The following DDX11 variants were observed in gnomAD, a reference collection of about 807,000 sequenced individuals.
DDX11 encodes ATP-dependent DNA helicase DDX11.
DDX11 carries 72 observed loss-of-function variants against 125.2 expected under a neutral mutation model. That is an observed-to-expected ratio of 0.58 (90% CI 0.48 to 0.70). The LOEUF (loss-of-function observed/expected upper bound fraction) is 0.70, where lower values mean the gene tolerates loss of function less well. Ranked by LOEUF, DDX11 falls within the 30% of genes least tolerant of loss-of-function variation. The probability of loss-of-function intolerance (pLI) is 0.00; values close to 1 mark genes in which losing one functional copy is unlikely to be tolerated. For missense variants in DDX11, 883 were observed against 1,165.0 expected (o/e 0.76, Z 3.52); for synonymous variants, 347 against 452.6 (o/e 0.77, Z 2.96).
intron 8 of DDX11, 114 bp downstream of exon 8, chr12:31,089,604 C>G: frequency 8.5e-7 from 1 of 1,173,064 alleles, no homozygotes; most frequent in Non-Finnish European, 1.3e-6. Flanking sequence ...GAGGAGACCC[C>G]AGTTCCTTCC....
chr12:31,097,407 C>T (rs1312282371), intron 17 of DDX11, among the ~76,000 whole-genome samples: 3 of 147,942 alleles, frequency 2.0e-5, no homozygotes, highest in South Asian at 2.2e-4. Flanking sequence ...AGGCCGGGCG[C>T]GGTGGCTCAC....
intron 11 of DDX11, 143 bp downstream of exon 11, chr12:31,093,035 C>G: frequency 9.9e-7 from 1 of 1,008,608 alleles, no homozygotes; most frequent in Admixed American, 2.0e-5. Flanking sequence ...GTCCTAGGCA[C>G]ATCATGGTGT....
chr12:31,089,325 G>A, intron 7 of DDX11, 78 bp from the exon 8 acceptor site: 1 of 1,524,862 alleles, frequency 6.6e-7, no homozygotes, highest in Non-Finnish European at 9.1e-7. Context: ...AGAGGTGGCG[G>A]GGCAGGTCCA....
chr12:31,078,688 TC>T, intron 2 of DDX11, 151 bp downstream of exon 2: 24 of 1,161,896 alleles, frequency 2.1e-5, no homozygotes, highest in Non-Finnish European at 2.5e-5. Flanking sequence ...TCTATTAAAG[TC>T]TTTTTTTTTT....
chr12:31,086,745 C>T (rs1592654732), intron 5 of DDX11, among the ~76,000 whole-genome samples: 1 of 147,674 alleles, frequency 6.8e-6, no homozygotes, highest in African/African-American at 2.5e-5. Context: ...CATGCCCTCA[C>T]GTTTCAGGAG....
intron 18 of DDX11, among the ~76,000 whole-genome samples, chr12:31,099,171 T>A (rs1415436751): frequency 2.1e-5 from 3 of 144,826 alleles, no homozygotes; most frequent in African/African-American, 7.8e-5. Flanking sequence ...CTCTGCAACC[T>A]CTGCCTCCGG....
rs558812269 is a variant in DDX11, at chr12:31,104,081, C to T, written c.*245C>T. On this transcript the variant is annotated 3_prime_UTR_variant, in exon 27 of 27. Coordinates refer to ENST00000542838, the MANE Select transcript of DDX11 (RefSeq NM_030653.4). ...GGGGCGTTCCAGGGCAGCTCCCCTC[C>T]TGGAATAGAATCTTTCTTTCCATCC... is the stretch of plus-strand genomic sequence containing the variant. The T allele has an allele frequency of 4.6e-6, 7 of 1,524,078 alleles. 1 individual carries two copies. The East Asian group carries it at 7.4e-5, about 16-fold the overall frequency. The allele number at this position is 1,524,078 out of a possible 1,614,324, so 94.4% of individuals were successfully genotyped here.
Position 31,101,032 on chromosome 12 carries a change from G to T in DDX11, c.1954G>T (p.Val652Leu), listed in dbSNP as rs760250735. Residue 652 changes from valine (V) to leucine (L), a missense_variant, in exon 20 of 27, where the codon GTG (valine) becomes TTG (leucine). Coordinates refer to ENST00000542838, the MANE Select transcript of DDX11 (RefSeq NM_030653.4). Reference protein sequence around the residue: ...ERVVEFSCGHVIPPDNILPLV... With the variant: ...ERVVEFSCGHLIPPDNILPLV... ...CCCTCCCTGGCTCTTACCAGGTCACGTGATCCCTCCAGACAACATCCTGCC... is the reference window on the plus strand; with the variant it reads ...CCCTCCCTGGCTCTTACCAGGTCACTTGATCCCTCCAGACAACATCCTGCC... 3.1e-6 allele frequency: 5 copies of T among 1,613,836 alleles called. No homozygotes were observed. The highest frequency in any genetic ancestry group is 3.4e-6 in the Non-Finnish European group (4 of 1,179,842).
Position 31,098,060 on chromosome 12 carries a change from A to G in DDX11, c.1875+63A>G, listed in dbSNP as rs371001352. The G allele has an allele frequency of 4.4e-5, 61 of 1,395,168 alleles. No homozygotes were observed. The African/African-American group carries it at 7.6e-4, about 17-fold the overall frequency. The allele number at this position is 1,395,168 out of a possible 1,614,324, so 86.4% of individuals were successfully genotyped here. Reference sequence around the variant, plus strand: ...TTGGGATGAGATGGGGGCTTGGGAGAGATGCATTATCAGTCCTGTTCTCTC... The same window carrying G: ...TTGGGATGAGATGGGGGCTTGGGAGGGATGCATTATCAGTCCTGTTCTCTC... On this transcript the variant is annotated intron_variant, in intron 18 of 26. Transcript: ENST00000542838.
Position 31,096,926 on chromosome 12 carries a change from C to A in DDX11, c.1698C>A (p.Ile566=), listed in dbSNP as rs3168411. Residue 566 remains isoleucine, a synonymous_variant, in exon 17 of 27, where the codon ATC becomes ATA. Transcript: ENST00000542838. ...GACCAGCTTCTCCACTGATGCACATCCAAGGCTTCCTGGCAGCTCTCACTA... is the reference window on the plus strand; with the variant it reads ...GACCAGCTTCTCCACTGATGCACATACAAGGCTTCCTGGCAGCTCTCACTA... ...TLRPASPLMH[I]QGFLAALTTA... The A allele has an allele frequency of 1.9e-6, 3 of 1,614,144 alleles. No homozygotes were observed. Among genetic ancestry groups the A allele is most frequent in the Non-Finnish European group, 2.5e-6 (3 of 1,180,016 alleles).
In DDX11 at chr12:31,093,229, G is replaced by A. The variant is rs780201985; in HGVS notation, c.1290-16G>A. On this transcript the variant is annotated splice_polypyrimidine_tract_variant and intron_variant, in intron 11 of 26. Coordinates refer to ENST00000542838, the MANE Select transcript of DDX11 (RefSeq NM_030653.4). ...ATCAGGGCACCACCACTTAATGTCC[G>A]TTGGCTTCTTCTCAGGAAGCGTTTG... 1.7e-5 allele frequency: 27 copies of A among 1,609,256 alleles called. No homozygotes were observed. Among genetic ancestry groups the A allele is most frequent in the South Asian group, 8.8e-5 (8 of 90,450 alleles).
At chr12:31,087,481 A>G (rs1943359174) in intron 5 of DDX11, 1 of 318,888 alleles carries the variant, frequency 3.1e-6, no homozygotes, top group South Asian at 2.8e-5. Flanking sequence ...AAGGTCAAAG[A>G]AGGCTTCCTG....
intron 1 of DDX11, among the ~76,000 whole-genome samples, chr12:31,077,311 C>T (rs190102477): frequency 6.6e-5 from 10 of 152,180 alleles, no homozygotes; most frequent in South Asian, 2.1e-4. Flanking sequence ...AAAAAGATGA[C>T]GTCAACGTGG....
At position 31,089,661 on chromosome 12, in the gene DDX11, T is replaced by C. The variant is rs2352627; in HGVS notation, c.880+171T>C. 25 of 1,082,414 alleles carry C rather than the reference T, an allele frequency of 2.3e-5. 1 individual carries two copies. The South Asian group carries it at 3.0e-4, about 13-fold the overall frequency. The allele number at this position is 1,082,414 out of a possible 1,614,324, so 67.1% of individuals were successfully genotyped here. On this transcript the variant is annotated intron_variant, in intron 8 of 26. Coordinates refer to ENST00000542838, the MANE Select transcript of DDX11 (RefSeq NM_030653.4). ...AAAGTGTTCCTACTCTCTGGGTCAG[T>C]GTCTGGTCCGAATCCTTGGCTTGGA...
At position 31,085,139 on chromosome 12, in the gene DDX11, C is replaced by T. The variant is rs769868091; in HGVS notation, c.638+13C>T. 33 of 1,554,492 alleles carry T rather than the reference C, an allele frequency of 2.1e-5. No homozygotes were observed. The Admixed American group carries it at 4.9e-4, about 23-fold the overall frequency. On this transcript the variant is annotated intron_variant, in intron 5 of 26. Transcript: ENST00000542838. ...AGGTGGCGAGCAGGTGAGACAGAGG[C>T]GGTAGCACTACCCTGCCCCAGGCCA...
chr12:31,099,244 C>A (rs953719231), intron 18 of DDX11, among the ~76,000 whole-genome samples: 4 of 151,884 alleles, frequency 2.6e-5, no homozygotes, highest in Admixed American at 2.6e-4. Flanking sequence ...TGTGCCACCA[C>A]ACCCAGCTAA....
chr12:31,077,781 G>T (rs1216168336), intron 1 of DDX11, among the ~76,000 whole-genome samples: 19 of 151,564 alleles, frequency 1.3e-4, no homozygotes, highest in East Asian at 5.9e-4. Context: ...GAGGCGGAGC[G>T]TGCAGTGAGC....
At position 31,104,008 on chromosome 12, in the gene DDX11, G is replaced by A; in HGVS notation, c.*172G>A. On this transcript the variant is annotated 3_prime_UTR_variant, in exon 27 of 27. Transcript: ENST00000542838. ...CCAGGCACAGGCGTTAGCTCCCGTA[G>A]GAGAAAATGGGGGAATCCTGAATGA... 1 of 1,555,782 alleles carries A rather than the reference G, an allele frequency of 6.4e-7. No homozygotes were observed. The highest frequency in any genetic ancestry group is 8.7e-7 in the Non-Finnish European group (1 of 1,149,726).
chr12:31,093,422 T>C (rs761120907), intron 12 of DDX11, 98 bp downstream of exon 12: 30 of 1,543,052 alleles, frequency 1.9e-5, no homozygotes, highest in Non-Finnish European at 2.5e-5. Flanking sequence ...CTCTGTGTTT[T>C]TAAGAAGGGT....
Sources: allele counts gnomAD v4.1 joint callset (sites outside exome capture counted in the v4.1 genomes callset), GRCh38; gene constraint gnomAD v4.1.1; transcripts MANE v1.5; gene names NCBI Gene and HGNC (gene_info 2026-07-23, HGNC 2026-07-21).